Variants in PTPRD observed in about 807,000 individuals in gnomAD.
PTPRD encodes the protein receptor-type tyrosine-protein phosphatase delta.
In PTPRD, 34 loss-of-function variants were observed where a neutral mutation model predicts 214.5. That is an observed-to-expected ratio of 0.16 (90% CI 0.12 to 0.21). The LOEUF (loss-of-function observed/expected upper bound fraction) is 0.21, where lower values mean the gene tolerates loss of function less well. Ranked by LOEUF, PTPRD falls within the 10% of genes least tolerant of loss-of-function variation. The pLI, the probability that PTPRD is intolerant of heterozygous loss-of-function variation, is 1.00. For missense variants in PTPRD, 2,545 were observed against 2,398.7 expected (o/e 1.06, Z -1.27); for synonymous variants, 1,128 against 845.7 (o/e 1.33, Z -5.79).
intron 7 of PTPRD, among the ~76,000 whole-genome samples, chr9:9,722,357 T>A (rs1292284763): frequency 1.3e-5 from 2 of 152,102 alleles, no homozygotes; most frequent in Non-Finnish European, 2.9e-5. Context: ...TCAAATAGAA[T>A]AATGTTTTCC....
intron 11 of PTPRD, among the ~76,000 whole-genome samples, chr9:8,763,529 T>A (rs2094531009): frequency 6.6e-6 from 1 of 151,612 alleles, no homozygotes; most frequent in African/African-American, 2.4e-5. Context: ...ATAAAGGCAA[T>A]AATTATGTAT....
intron 2 of PTPRD, among the ~76,000 whole-genome samples, chr9:10,364,189 G>C (rs1449104563): frequency 6.6e-6 from 1 of 151,640 alleles, no homozygotes; most frequent in Non-Finnish European, 1.5e-5. Context: ...TTTTAGTAGA[G>C]ATAGGGTTTC....
intron 3 of PTPRD, among the ~76,000 whole-genome samples, chr9:10,086,675 A>T (rs2098343397): frequency 6.6e-6 from 1 of 151,838 alleles, no homozygotes; most frequent in Non-Finnish European, 1.5e-5. Flanking sequence ...CAATGCTGAA[A>T]GGATCAACTG....
intron 21 of PTPRD, 40 bp downstream of exon 21, chr9:8,517,808 C>T (rs762103001): frequency 6.5e-7 from 1 of 1,540,770 alleles, no homozygotes; most frequent in Non-Finnish European, 8.9e-7. Flanking sequence ...TTGCACCAGC[C>T]CTTCCCTCCT....
At chr9:10,257,608 T>C (rs906295862) in intron 3 of PTPRD, among the ~76,000 whole-genome samples, 1 of 152,238 alleles carries the variant, frequency 6.6e-6, no homozygotes, top group Non-Finnish European at 1.5e-5. Context: ...TGGTGCCATA[T>C]ACATTTCATC....
intron 35 of PTPRD, among the ~76,000 whole-genome samples, chr9:8,434,345 G>GT (rs1283090248): frequency 2.0e-5 from 3 of 152,112 alleles, no homozygotes; most frequent in African/African-American, 7.2e-5. Context: ...AAATAGTTGG[G>GT]TATAGTAACT....
chr9:8,587,048 G>C (rs1315289398), intron 14 of PTPRD, among the ~76,000 whole-genome samples: 1 of 152,124 alleles, frequency 6.6e-6, no homozygotes, highest in Non-Finnish European at 1.5e-5. Flanking sequence ...TACTCGGGAG[G>C]CTGAGGCAGG....
intron 8 of PTPRD, among the ~76,000 whole-genome samples, chr9:9,566,166 T>C (rs968234878): frequency 5.9e-5 from 9 of 152,002 alleles, no homozygotes; most frequent in African/African-American, 2.2e-4. Flanking sequence ...TCTCACTAAT[T>C]ACATTTATAC....
chr9:9,662,921 A>C (rs558090880), intron 7 of PTPRD, among the ~76,000 whole-genome samples: 1 of 151,560 alleles, frequency 6.6e-6, no homozygotes, highest in African/African-American at 2.4e-5. Context: ...TGCAGTTCTT[A>C]ACAATTTATG....
intron 37 of PTPRD, among the ~76,000 whole-genome samples, chr9:8,381,148 T>A (rs1025939186): frequency 6.6e-6 from 1 of 152,090 alleles, no homozygotes; most frequent in Non-Finnish European, 1.5e-5. Flanking sequence ...TTGGGCAGAG[T>A]GGTTGTTCAA....
intron 11 of PTPRD, among the ~76,000 whole-genome samples, chr9:8,816,281 T>C (rs940238632): frequency 6.6e-6 from 1 of 152,234 alleles, no homozygotes; most frequent in Admixed American, 6.5e-5. Context: ...TTTTTCTTTG[T>C]GTATTTTAAG....
intron 3 of PTPRD, among the ~76,000 whole-genome samples, chr9:10,230,268 C>A (rs77291183): frequency 2.0e-5 from 3 of 151,952 alleles, no homozygotes; most frequent in Admixed American, 1.3e-4. Flanking sequence ...AGGACTCAGA[C>A]AATACATTGC....
At chr9:9,832,246 G>A (rs989563405) in intron 5 of PTPRD, among the ~76,000 whole-genome samples, 4 of 151,928 alleles carry the variant, frequency 2.6e-5, no homozygotes, top group Non-Finnish European at 4.4e-5. Flanking sequence ...AGTAGCAGAC[G>A]AAAGAGTATC....
rs1296242990 is a variant in PTPRD at position 9,293,186 on chromosome 9, A to G, written c.-203+104263T>C. On this transcript the variant is annotated intron_variant, in intron 9 of 45. Coordinates refer to ENST00000381196, the MANE Select transcript of PTPRD (RefSeq NM_002839.4). ...ATTCTTCTGCATAGGAGATTTGTCT[A>G]TTCTTCATTTACTCATTCCTCAATT... 3.3e-5 allele frequency among the ~76,000 whole-genome samples: 5 copies of G among 151,560 alleles called. No individual in the cohort carries two copies. In the East Asian group the frequency reaches 9.7e-4, roughly 30 times the overall value.
At chr9:10,494,586 T>C (rs1234864113) in intron 2 of PTPRD, among the ~76,000 whole-genome samples, 2 of 150,822 alleles carry the variant, frequency 1.3e-5, no homozygotes, top group Non-Finnish European at 3.0e-5. Context: ...ACCTGCTGTA[T>C]GTAAGGGAAG....
chr9:8,827,052 C>T (rs1319929753), intron 11 of PTPRD, among the ~76,000 whole-genome samples: 2 of 152,064 alleles, frequency 1.3e-5, no homozygotes, highest in African/African-American at 2.4e-5. Flanking sequence ...ACATATAACA[C>T]ACACACACAC....
chr9:8,710,478 T>C (rs1163955902), intron 12 of PTPRD, among the ~76,000 whole-genome samples: 3 of 151,922 alleles, frequency 2.0e-5, no homozygotes, highest in Non-Finnish European at 4.4e-5. Context: ...TAGCAAGGAA[T>C]GGTGGCAGGC....
chr9:10,397,343 G>A lies in PTPRD; in HGVS notation c.-599-56326C>T, dbSNP rs566657537. ...TGTGTCAGTTAAACAACATGTAAGT[G>A]TCCCAGCAAGTAACTAGGTCATGAA... is the stretch of plus-strand genomic sequence containing the variant. On this transcript the variant is annotated intron_variant, in intron 2 of 45. Transcript: ENST00000381196. 1.5e-4 allele frequency among the ~76,000 whole-genome samples: 23 copies of A among 152,072 alleles called. 2 individuals carry two copies. Among genetic ancestry groups the A allele is most frequent in the African/African-American group, 5.5e-4 (23 of 41,530 alleles).
chr9:8,773,152 T>C (rs1199836208), intron 11 of PTPRD, among the ~76,000 whole-genome samples: 4 of 152,188 alleles, frequency 2.6e-5, no homozygotes, highest in East Asian at 3.9e-4. Flanking sequence ...CCTTTAGTCT[T>C]TTTGAGTGGT....
Sources: gnomAD v4.1 joint callset for allele counts (sites outside exome capture counted in the v4.1 genomes callset) on GRCh38, gnomAD v4.1.1 for gene constraint, MANE v1.5 for transcripts, NCBI Gene and HGNC (gene_info 2026-07-23, HGNC 2026-07-21) for gene names.